The following ESYT2 variants were observed in gnomAD, a reference collection of about 807,000 sequenced individuals.
ESYT2 encodes extended synaptotagmin 2.
A neutral mutation model predicts 107.2 loss-of-function variants in ESYT2; 54 were observed. That is an observed-to-expected ratio of 0.50 (90% CI 0.40 to 0.63). The LOEUF (loss-of-function observed/expected upper bound fraction) is 0.63, where lower values mean the gene tolerates loss of function less well. Ranked by LOEUF, ESYT2 falls within the 30% of genes least tolerant of loss-of-function variation. The pLI is 0.00. For missense variants in ESYT2, 1,020 were observed against 1,094.5 expected (o/e 0.93, Z 0.96); for synonymous variants, 491 against 434.1 (o/e 1.13, Z -1.63).
intron 1 of ESYT2, among the ~76,000 whole-genome samples, chr7:158,801,520 CAG>C (rs980586669): frequency 2.6e-5 from 4 of 152,142 alleles, no homozygotes; most frequent in African/African-American, 9.7e-5. Context: ...TTGCATAAAA[CAG>C]AATCTAAAGT....
intron 3 of ESYT2, among the ~76,000 whole-genome samples, chr7:158,795,430 A>G (rs1252940890): frequency 6.6e-6 from 1 of 152,238 alleles, no homozygotes; most frequent in African/African-American, 2.4e-5. Context: ...AATTTTAAAT[A>G]TCCACAAACA....
intron 1 of ESYT2, among the ~76,000 whole-genome samples, chr7:158,816,865 G>T (rs1470455026): frequency 2.6e-5 from 4 of 152,172 alleles, no homozygotes; most frequent in Admixed American, 2.0e-4. Context: ...CTTTGTATTG[G>T]ATTACATTTG....
At chr7:158,743,763 G>T in intron 16 of ESYT2, 85 bp from the exon 17 acceptor site, 1 of 1,424,416 alleles carries the variant, frequency 7.0e-7, no homozygotes, top group Non-Finnish European at 9.3e-7. Context: ...CTGACCCTTT[G>T]TCCTCAGAGA....
intron 12 of ESYT2, 29 bp from the exon 13 acceptor site, chr7:158,759,610 G>A (rs893211279): frequency 1.9e-6 from 3 of 1,565,290 alleles, no homozygotes; most frequent in African/African-American, 2.7e-5. Flanking sequence ...GCCCTTAGCA[G>A]CCATGTTTCC....
At chr7:158,747,495 T>C (rs945947088) in intron 16 of ESYT2, among the ~76,000 whole-genome samples, 3 of 152,038 alleles carry the variant, frequency 2.0e-5, no homozygotes, top group African/African-American at 4.8e-5. Context: ...CATAAAAAGG[T>C]GCTCAACGTC....
In ESYT2 at chr7:158,814,130, C is replaced by T. The variant is rs535713961; in HGVS notation, c.330+14959G>A. ...CTACTAGAAAATACAAAAAATTAGT[C>T]GGGCGTGGTGGTGGACGCCTGTAGT... is the stretch of plus-strand genomic sequence containing the variant. On this transcript the variant is annotated intron_variant, in intron 1 of 22. Coordinates refer to ENST00000275418, the MANE Select transcript of ESYT2 (RefSeq NM_001367773.1). 2.6e-5 allele frequency among the ~76,000 whole-genome samples: 4 copies of T among 151,752 alleles called. No homozygotes were observed. The South Asian group carries it at 6.2e-4, about 24-fold the overall frequency.
chr7:158,797,943 T>C lies in ESYT2; in HGVS notation c.506A>G (p.Gln169Arg), dbSNP rs1584864571. 6.2e-7 allele frequency: 1 copy of C among 1,613,948 alleles called. No individual in the cohort carries two copies. The highest frequency in any genetic ancestry group is 8.5e-7 in the Non-Finnish European group (1 of 1,179,872). ...FSFTKVDVGQ[Q>R]PLRINGVKVY... is the part of the protein sequence containing the mutation. ...GAGGATACTTAAGAGAACACTGACC[T>C]GCTGGCCCACGTCGACCTTCGTGAA... Residue 169 changes from glutamine to arginine, a missense_variant and splice_region_variant, in exon 3 of 23, where the codon CAG (glutamine) becomes CGG (arginine). Coordinates refer to ENST00000275418, the MANE Select transcript of ESYT2 (RefSeq NM_001367773.1).
intron 22 of ESYT2, 30 bp downstream of exon 22, chr7:158,734,392 G>A (rs1836844834): frequency 6.2e-7 from 1 of 1,613,204 alleles, no homozygotes; most frequent in Non-Finnish European, 8.5e-7. Context: ...CTACACACTG[G>A]GGTTCTCTGT....
rs1363052701 is a variant in ESYT2, at chr7:158,781,406, GGT to G, written c.747+6596_747+6597del. Among the ~76,000 whole-genome samples the G allele has an allele frequency of 5.2e-3, 740 of 141,924 alleles. 11 individuals are homozygous for G. The highest frequency in any genetic ancestry group is 0.017 in the African/African-American group (668 of 39,114). 93.1% of individuals were successfully genotyped at this position (141,924 alleles called of 152,430 possible). A position where few individuals can be genotyped will look rare whatever the true frequency, so the allele number is the denominator to read the frequency against. ...AACGAGTGTTGAGAACAAAGTGTGA[GGT>G]GTGAGTGTAAGAACGAGTGAGAAGT... On this transcript the variant is annotated intron_variant, in intron 6 of 22. Coordinates refer to ENST00000275418, the MANE Select transcript of ESYT2 (RefSeq NM_001367773.1).
intron 1 of ESYT2, among the ~76,000 whole-genome samples, chr7:158,805,929 A>C (rs1426548854): frequency 6.6e-6 from 1 of 152,238 alleles, no homozygotes; most frequent in Non-Finnish European, 1.5e-5. Context: ...ATGTCACCTA[A>C]AACTCTTAAC....
intron 6 of ESYT2, among the ~76,000 whole-genome samples, chr7:158,780,606 G>C (rs1204477775): frequency 6.6e-6 from 1 of 152,230 alleles, no homozygotes; most frequent in Non-Finnish European, 1.5e-5. Context: ...AAACAAGGAA[G>C]TTTTAGTATA....
chr7:158,765,179 G>C (rs375887595), intron 8 of ESYT2, among the ~76,000 whole-genome samples: 85 of 152,210 alleles, frequency 5.6e-4, no homozygotes, highest in African/African-American at 2.0e-3. Context: ...GCTCCTGGCA[G>C]AGGGACGCCG....
At chr7:158,736,934 G>A (rs143617928) in intron 20 of ESYT2, 114 bp downstream of exon 20, 35,862 of 1,410,010 alleles carry the variant, frequency 0.025, 583 homozygotes, top group Non-Finnish European at 0.029. Context: ...GTTTCTGATT[G>A]AACTTCTCAA....
rs990537741 is a variant in ESYT2 at position 158,736,912 on chromosome 7, T to G, written c.2399+136A>C. On this transcript the variant is annotated intron_variant, in intron 20 of 22. Transcript: ENST00000275418. ...GCTTATTTGTTTTGAGAAGTATGTT[T>G]GCTAAAAGTTGGTTTCTGATTGAAC... is the stretch of plus-strand genomic sequence containing the variant. 5.6e-6 allele frequency: 6 copies of G among 1,072,510 alleles called. No individual in the cohort carries two copies. In the African/African-American group the frequency reaches 8.0e-5, roughly 14 times the overall value. The allele number at this position is 1,072,510 out of a possible 1,614,324, so 66.4% of individuals were successfully genotyped here. A position where few individuals can be genotyped will look rare whatever the true frequency, so the allele number is the denominator to read the frequency against.
At chr7:158,803,627 G>GAA (rs1414980166) in intron 1 of ESYT2, among the ~76,000 whole-genome samples, 27 of 152,222 alleles carry the variant, frequency 1.8e-4, no homozygotes, top group Admixed American at 1.8e-3. Context: ...AAGACTTGCA[G>GAA]AAAGTTAAAA....
At chr7:158,774,498 G>A (rs1254619511) in intron 6 of ESYT2, among the ~76,000 whole-genome samples, 1 of 151,848 alleles carries the variant, frequency 6.6e-6, no homozygotes, top group South Asian at 2.1e-4. Flanking sequence ...AACCCACCTG[G>A]CTAAACCTCT....
intron 13 of ESYT2, among the ~76,000 whole-genome samples, chr7:158,759,205 T>G (rs751404675): frequency 4.6e-5 from 7 of 152,240 alleles, no homozygotes; most frequent in Non-Finnish European, 1.0e-4. Context: ...TTTTAATGCT[T>G]AGTGATTTTC....
intron 1 of ESYT2, among the ~76,000 whole-genome samples, chr7:158,822,586 G>A (rs1052320803): frequency 2.6e-5 from 4 of 151,126 alleles, no homozygotes; most frequent in Admixed American, 2.0e-4. Flanking sequence ...AACATAGCAA[G>A]ACCTCGGCTC....
chr7:158,767,761 T>A lies in ESYT2; in HGVS notation c.817A>T (p.Thr273Ser), dbSNP rs371181728. The A allele has an allele frequency of 9.3e-6, 15 of 1,612,450 alleles. No homozygotes were observed. The highest frequency in any genetic ancestry group is 1.7e-5 in the Admixed American group (1 of 59,768). ...DVPGLNGLSDTIILDIISNYL... is the reference protein window; with the variant it reads ...DVPGLNGLSDSIILDIISNYL... ...TTTGATATTATATCCAAAATGATAG[T>A]ATCTGATAAACCACTGTTAGTTGGG... The change falls in exon 8 of 23, where the codon ACT (threonine) becomes TCT (serine). Residue 273 changes from threonine (T) to serine (S), a missense_variant. By Grantham distance (58) the Thr-to-Ser change is moderately conservative. Coordinates refer to ENST00000275418, the MANE Select transcript of ESYT2 (RefSeq NM_001367773.1).
Sources: allele counts gnomAD v4.1 joint callset (sites outside exome capture counted in the v4.1 genomes callset), GRCh38; gene constraint gnomAD v4.1.1; transcripts MANE v1.5; gene names NCBI Gene and HGNC (gene_info 2026-07-23, HGNC 2026-07-21).